Variants in GRIP2 observed in about 807,000 individuals in gnomAD.
The protein encoded by GRIP2 is glutamate receptor interacting protein 2, also known as glutamate receptor-interacting protein 2.
A neutral mutation model predicts 108.3 loss-of-function variants in GRIP2; 58 were observed. The ratio of observed to expected loss-of-function variants is 0.54; its 90% CI spans 0.43 to 0.67. The LOEUF (loss-of-function observed/expected upper bound fraction) is 0.67. Among genes scored for constraint, GRIP2 ranks in the 30% least tolerant of loss-of-function variants. GRIP2 has a pLI of 0.00. For missense variants in GRIP2, 1,278 were observed against 1,430.6 expected, an observed-to-expected ratio of 0.89 and a Z score of 1.72; for synonymous variants, 586 against 598.2, an observed-to-expected ratio of 0.98 and a Z score of 0.30.
the GRIP2 span, among the ~76,000 whole-genome samples, chr3:14,588,641 C>A: frequency 6.6e-6 from 1 of 152,218 alleles, no homozygotes; most frequent in East Asian, 1.9e-4. Context: ...GGATATAAAT[C>A]TTGAGGCTCA....
intron 5 of GRIP2, chr3:14,523,411 T>C (rs1694466092): frequency 1.7e-6 from 1 of 585,990 alleles, no homozygotes; most frequent in Non-Finnish European, 3.0e-6. Context: ...GGTACAACTT[T>C]CTCCTCTCAC....
the GRIP2 span, among the ~76,000 whole-genome samples, chr3:14,564,019 G>A: frequency 6.6e-6 from 1 of 152,172 alleles, no homozygotes; most frequent in Non-Finnish European, 1.5e-5. Flanking sequence ...TGAGGCTCAG[G>A]AAGCAGAGGA....
intron 1 of GRIP2, among the ~76,000 whole-genome samples, chr3:14,547,704 A>C (rs1266248659): frequency 6.6e-6 from 1 of 152,162 alleles, no homozygotes; most frequent in Non-Finnish European, 1.5e-5. Flanking sequence ...TCCTCCCCTC[A>C]GGGGCTGCTC....
rs1015708113 is a variant in GRIP2, at chr3:14,540,002, C to T, written c.40+267G>A. ...AGCCTTCCCCCTACAAGGCTGAGCA[C>T]TGCCCTCGGAACCTCCAGACCCGCC... On this transcript the variant is annotated intron_variant, in intron 1 of 23. Transcript: ENST00000621039. This position sits in a 1 kb window ranked among gnomAD's most constrained non-coding sequence, Gnocchi z 4.1. Among the ~76,000 whole-genome samples, 8 of 152,182 alleles carry T rather than the reference C, an allele frequency of 5.3e-5. No homozygotes were observed. Among genetic ancestry groups the T allele is most frequent in the African/African-American group, 1.7e-4 (7 of 41,444 alleles).
In GRIP2 at chr3:14,507,607, C is replaced by A; in HGVS notation, c.2172G>T (p.Gln724His). Residue 724 changes from glutamine to histidine, a missense_variant, in exon 18 of 24, where the codon CAG becomes CAT. Coordinates refer to ENST00000621039, the MANE Select transcript of GRIP2 (RefSeq NM_001080423.4). This position sits in a 1 kb window ranked among gnomAD's most constrained non-coding sequence, Gnocchi z 4.6. ...TCAGTGTGACGGTCTCTCCAGCCAC[C>A]TGCAGGAGGTGGATGGCCTCGCTCA... is the stretch of plus-strand genomic sequence containing the variant. ...RPLSEAIHLLQVAGETVTLKI... is the reference protein window; with the variant it reads ...RPLSEAIHLLHVAGETVTLKI... 6.2e-7 allele frequency: 1 copy of A among 1,614,048 alleles called. No individual in the cohort carries two copies. Among genetic ancestry groups the A allele is most frequent in the Non-Finnish European group, 8.5e-7 (1 of 1,179,896 alleles).
intron 1 of GRIP2, among the ~76,000 whole-genome samples, chr3:14,547,931 A>T (rs1695082189): frequency 6.6e-6 from 1 of 152,180 alleles, no homozygotes; most frequent in African/African-American, 2.4e-5. Flanking sequence ...GGGGGCCAAG[A>T]ACATTACACA....
At chr3:14,546,711 CCCAA>C (rs1481711627), upstream of GRIP2, among the ~76,000 whole-genome samples, 2 of 152,178 alleles carry the variant, frequency 1.3e-5, no homozygotes, top group African/African-American at 2.4e-5. Flanking sequence ...GCAGAGGTGT[CCCAA>C]CTAACTGTCA....
At chr3:14,541,963 G>A, upstream of GRIP2, 7 of 1,350,564 alleles carry the variant, frequency 5.2e-6, no homozygotes, top group Non-Finnish European at 6.9e-6. Flanking sequence ...CCACTCTGGA[G>A]CAGTCTTAGC....
chr3:14,599,526 G>A, the GRIP2 span, among the ~76,000 whole-genome samples: 1 of 151,974 alleles, frequency 6.6e-6, no homozygotes, highest in Non-Finnish European at 1.5e-5. Context: ...TTGAGGCTAA[G>A]GACTGGCTTT....
chr3:14,497,256 C>T (rs1693636654), intron 21 of GRIP2, among the ~76,000 whole-genome samples: 1 of 152,218 alleles, frequency 6.6e-6, no homozygotes, highest in Admixed American at 6.5e-5. Context: ...CGTGAGCCAT[C>T]ATGCCCAGCC....
the GRIP2 span, among the ~76,000 whole-genome samples, chr3:14,598,445 T>TC: frequency 2.6e-5 from 4 of 151,848 alleles, no homozygotes; most frequent in Admixed American, 2.6e-4. Context: ...CCTGGACAGA[T>TC]CCCCACCCCA....
At chr3:14,564,053 C>G in the GRIP2 span, among the ~76,000 whole-genome samples, 1 of 152,210 alleles carries the variant, frequency 6.6e-6, no homozygotes, top group South Asian at 2.1e-4. Context: ...GAGGCTAAAA[C>G]CCTGCCAGGG....
chr3:14,537,456 T>G (rs1019641518), intron 1 of GRIP2, among the ~76,000 whole-genome samples: 1 of 152,268 alleles, frequency 6.6e-6, no homozygotes, highest in African/African-American at 2.4e-5. Context: ...GGGGCCGGGC[T>G]TCTGTCTGCC....
chr3:14,573,663 G>T, the GRIP2 span: 1 of 1,499,738 alleles, frequency 6.7e-7, no homozygotes, highest in Non-Finnish European at 9.2e-7. Flanking sequence ...GGGAAGGTTG[G>T]TGTGGTTCCC....
chr3:14,581,851 A>G, the GRIP2 span, among the ~76,000 whole-genome samples: 1 of 152,224 alleles, frequency 6.6e-6, no homozygotes, highest in Non-Finnish European at 1.5e-5. Context: ...CTTCTTGGAA[A>G]GGCGTGAGAA....
At chr3:14,510,067 C>A in intron 16 of GRIP2, 103 bp from the exon 17 acceptor site, 1 of 1,083,902 alleles carries the variant, frequency 9.2e-7, no homozygotes, top group South Asian at 3.5e-5. Context: ...TTAATTCATT[C>A]ACCCAGTCAC....
chr3:14,508,640 T>A (rs1480431500), intron 17 of GRIP2, among the ~76,000 whole-genome samples: 1 of 151,988 alleles, frequency 6.6e-6, no homozygotes. Flanking sequence ...AGCTGTAGTG[T>A]CCAATATGGC....
intron 5 of GRIP2, chr3:14,523,331 T>A: frequency 1.8e-6 from 1 of 568,438 alleles, no homozygotes; most frequent in Non-Finnish European, 3.1e-6. Flanking sequence ...TTATTTCCCC[T>A]TTTCCCTGAT....
In GRIP2 at chr3:14,505,812, T is replaced by C. The variant is rs767485512; in HGVS notation, c.2399-23A>G. 2 of 1,492,050 alleles carry C rather than the reference T, an allele frequency of 1.3e-6. No homozygotes were observed. The highest frequency in any genetic ancestry group is 1.8e-6 in the Non-Finnish European group (2 of 1,121,314). 92.4% of individuals were successfully genotyped at this position (1,492,050 alleles called of 1,614,324 possible). A position where few individuals can be genotyped will look rare whatever the true frequency, so the allele number is the denominator to read the frequency against. ...ACCCTGGTGGTGGAGAGAGGGCCTC[T>C]GTGTTCCCTGCGGCCTCACCTTGCC... On this transcript the variant is annotated intron_variant, in intron 19 of 23. Transcript: ENST00000621039. This position sits in a 1 kb window ranked among gnomAD's most constrained non-coding sequence, Gnocchi z 4.2.
Sources: gnomAD v4.1 joint callset for allele counts (sites outside exome capture counted in the v4.1 genomes callset) on GRCh38, gnomAD v4.1.1 for gene constraint, Gnocchi (gnomAD v3.1) non-coding constraint, MANE v1.5 for transcripts, NCBI Gene and HGNC (gene_info 2026-07-23, HGNC 2026-07-21) for gene names.